The following ZFPM2 variants were observed in gnomAD, a reference collection of about 807,000 sequenced individuals.
ZFPM2 encodes zinc finger protein, FOG family member 2, also known as zinc finger protein ZFPM2.
In ZFPM2, 20 loss-of-function variants were observed where a neutral mutation model predicts 98.6. The ratio of observed to expected loss-of-function variants is 0.20; its 90% CI spans 0.14 to 0.29. The LOEUF is 0.29. Ranked by LOEUF, ZFPM2 falls within the 10% of genes least tolerant of loss-of-function variation. The pLI, the probability that ZFPM2 is intolerant of heterozygous loss-of-function variation, is 1.00. For missense variants in ZFPM2, 1,310 were observed against 1,388.6 expected (o/e 0.94, Z 0.90); for synonymous variants, 518 against 502.7 (o/e 1.03, Z -0.41).
At chr8:105,351,337 T>C (rs2129712377) in intron 1 of ZFPM2, among the ~76,000 whole-genome samples, 1 of 150,014 alleles carries the variant, frequency 6.7e-6, no homozygotes, top group Middle Eastern at 3.5e-3. Flanking sequence ...GTGTTCTCTT[T>C]TATAGTTGCA....
chr8:105,702,345 C>T (rs561877076), intron 5 of ZFPM2, among the ~76,000 whole-genome samples: 27 of 152,220 alleles, frequency 1.8e-4, no homozygotes, highest in Non-Finnish European at 3.7e-4. Context: ...ACCTTTATTA[C>T]AGGGAGATTT....
At chr8:105,393,962 T>C (rs757946597) in intron 1 of ZFPM2, among the ~76,000 whole-genome samples, 101 of 151,464 alleles carry the variant, frequency 6.7e-4, no homozygotes, top group Non-Finnish European at 1.1e-3. Flanking sequence ...GGTGTGATCT[T>C]GGCTCACTGC....
chr8:105,613,281 G>A (rs1280955429), intron 4 of ZFPM2, among the ~76,000 whole-genome samples: 1 of 152,042 alleles, frequency 6.6e-6, no homozygotes, highest in Admixed American at 6.6e-5. Flanking sequence ...GTGGGTGGTT[G>A]AGAATAGACA....
At chr8:105,345,317 T>C (rs911615466) in intron 1 of ZFPM2, among the ~76,000 whole-genome samples, 1 of 152,160 alleles carries the variant, frequency 6.6e-6, no homozygotes, top group African/African-American at 2.4e-5. Context: ...CTTCTTAGTC[T>C]TGTGCATCTT....
chr8:105,737,733 T>C (rs1812112836), intron 5 of ZFPM2: 1 of 151,908 alleles, frequency 6.6e-6, no homozygotes, highest in African/African-American at 2.4e-5. Context: ...GGTATATGAT[T>C]TTGATTTTGT....
intron 2 of ZFPM2, among the ~76,000 whole-genome samples, chr8:105,442,777 A>G (rs1812280181): frequency 6.6e-6 from 1 of 152,188 alleles, no homozygotes; most frequent in Non-Finnish European, 1.5e-5. Flanking sequence ...TGAAAATAAA[A>G]TGTATGGAAT....
At chr8:105,639,714 A>G (rs895874578) in intron 5 of ZFPM2, among the ~76,000 whole-genome samples, 1 of 152,058 alleles carries the variant, frequency 6.6e-6, no homozygotes, top group South Asian at 2.1e-4. Flanking sequence ...CCTTGTGGTC[A>G]TAAGTCAGTA....
At chr8:105,675,828 T>A (rs1444784075) in intron 5 of ZFPM2, 1 of 152,218 alleles carries the variant, frequency 6.6e-6, no homozygotes, top group Non-Finnish European at 1.5e-5. Flanking sequence ...AGGCACTTTA[T>A]CTGTACTTTA....
intron 1 of ZFPM2, among the ~76,000 whole-genome samples, chr8:105,389,261 C>T (rs1376749771): frequency 6.6e-6 from 1 of 151,914 alleles, no homozygotes; most frequent in Non-Finnish European, 1.5e-5. Flanking sequence ...AATCTATTAG[C>T]ATATAGTAGG....
At chr8:105,351,248 A>C (rs1199052681) in intron 1 of ZFPM2, among the ~76,000 whole-genome samples, 1 of 152,080 alleles carries the variant, frequency 6.6e-6, no homozygotes, top group Non-Finnish European at 1.5e-5. Flanking sequence ...GTATACTTTA[A>C]ATCATTTCTG....
At chr8:105,643,144 T>G (rs1387146725) in intron 5 of ZFPM2, among the ~76,000 whole-genome samples, 1 of 152,110 alleles carries the variant, frequency 6.6e-6, no homozygotes, top group Non-Finnish European at 1.5e-5. Context: ...TGTCAAAAGT[T>G]AAGCATAGGT....
At chr8:105,517,742 C>CACACACACACACACACACACA (rs1586430844) in intron 3 of ZFPM2, among the ~76,000 whole-genome samples, 3 of 150,088 alleles carry the variant, frequency 2.0e-5, no homozygotes, top group East Asian at 2.0e-4. Flanking sequence ...CACACACACA[C>CACACACACACACACACACACA]CCCTAGTTGG....
chr8:105,693,637 A>AT (rs1357746710), intron 5 of ZFPM2, among the ~76,000 whole-genome samples: 3 of 152,174 alleles, frequency 2.0e-5, no homozygotes, highest in Non-Finnish European at 4.4e-5. Flanking sequence ...TCCATTTTAA[A>AT]TTTTTTTGAA....
chr8:105,393,337 C>CCTTCCTTTCTTT lies in ZFPM2; in HGVS notation c.41-25804_41-25803insCCTTTCTTTCTT, dbSNP rs1491284455. On this transcript the variant is annotated intron_variant, in intron 1 of 7. Transcript: ENST00000407775. ...TCTTCCTTCCCTCTCTCTCTCTTTG[C>CCTTCCTTTCTTT]CTTTCTTTCTTTCTTTCTTTCTTTC... 3.5e-5 allele frequency among the ~76,000 whole-genome samples: 4 copies of CCTTCCTTTCTTT among 114,776 alleles called. 1 individual carries two copies. The highest frequency in any genetic ancestry group is 1.0e-4 in the Admixed American group (1 of 9,926). 75.3% of individuals were successfully genotyped at this position (114,776 alleles called of 152,430 possible).
intron 4 of ZFPM2, among the ~76,000 whole-genome samples, chr8:105,580,627 T>C (rs112778300): frequency 6.6e-6 from 1 of 152,130 alleles, no homozygotes; most frequent in Non-Finnish European, 1.5e-5. Context: ...AGTTTCTCTC[T>C]GCACTACTAA....
chr8:105,396,627 A>G (rs756102867), intron 1 of ZFPM2, among the ~76,000 whole-genome samples: 2 of 152,210 alleles, frequency 1.3e-5, no homozygotes, highest in South Asian at 2.1e-4. Flanking sequence ...TAATCTGCTG[A>G]TTTGGTTAGA....
chr8:105,718,200 C>CCATCT (rs1263555785), intron 5 of ZFPM2, among the ~76,000 whole-genome samples: 1 of 151,934 alleles, frequency 6.6e-6, no homozygotes, highest in African/African-American at 2.4e-5. Flanking sequence ...CAGTTTGATG[C>CCATCT]CATCTGGTGG....
chr8:105,332,496 A>G (rs1016984011), intron 1 of ZFPM2, among the ~76,000 whole-genome samples: 2 of 151,768 alleles, frequency 1.3e-5, no homozygotes, highest in African/African-American at 2.4e-5. Flanking sequence ...TGTTACCTAT[A>G]TGTGTTAAAT....
chr8:105,462,084 TAA>T (rs1481319058), intron 3 of ZFPM2, among the ~76,000 whole-genome samples: 3 of 152,346 alleles, frequency 2.0e-5, no homozygotes, highest in African/African-American at 7.2e-5. Context: ...ACCTGTTTAT[TAA>T]GTTTAATTTA....
Sources: gnomAD v4.1 joint callset for allele counts (sites outside exome capture counted in the v4.1 genomes callset) on GRCh38, gnomAD v4.1.1 for gene constraint, MANE v1.5 for transcripts, NCBI Gene and HGNC (gene_info 2026-07-23, HGNC 2026-07-21) for gene names.